Variants in UBR4 observed in about 807,000 individuals in gnomAD.
The protein encoded by UBR4 is ubiquitin protein ligase E3 component n-recognin 4.
A neutral mutation model predicts 575.6 loss-of-function variants in UBR4; 124 were observed. The ratio of observed to expected loss-of-function variants is 0.22; its 90% CI spans 0.19 to 0.25. The LOEUF is 0.25. Ranked by LOEUF, UBR4 falls within the 10% of genes least tolerant of loss-of-function variation. UBR4 has a pLI of 1.00. For synonymous variants in UBR4, 2,455 were observed against 2,473.7 expected, an observed-to-expected ratio of 0.99 and a Z score of 0.22; for missense variants, 4,818 against 6,478.8, an observed-to-expected ratio of 0.74 and a Z score of 8.80.
At chr1:19,113,049 G>C in intron 77 of UBR4, 182 bp from the exon 78 acceptor site, 1 of 659,828 alleles carries the variant, frequency 1.5e-6, no homozygotes, top group East Asian at 3.1e-5. Flanking sequence ...GAAGCTTGGA[G>C]AAAGTGGCTT....
rs1017202272 is a variant in UBR4, at chr1:19,189,991, A to G, written c.1394+2197T>C. 2.0e-5 allele frequency among the ~76,000 whole-genome samples: 3 copies of G among 152,172 alleles called. No individual in the cohort carries two copies. The South Asian group carries it at 6.2e-4, about 32-fold the overall frequency. ...ATGCCCCTGTTCTAATACTCTCTAG[A>G]TACAATTTGACATGGCCAGGCAGAT... On this transcript the variant is annotated intron_variant, in intron 11 of 105. Transcript: ENST00000375254.
intron 38 of UBR4, 27 bp from the exon 39 acceptor site, chr1:19,160,308 G>GT: frequency 4.4e-6 from 6 of 1,363,176 alleles, no homozygotes; most frequent in Non-Finnish European, 5.9e-6. Context: ...AAATACACCA[G>GT]TGAAAAAAAA....
chr1:19,112,313 C>T lies in UBR4; in HGVS notation c.11801+211G>A, dbSNP rs1173064322. 10 of 560,652 alleles carry T rather than the reference C, an allele frequency of 1.8e-5. 1 individual carries two copies. The South Asian group carries it at 2.7e-4, about 15-fold the overall frequency. The allele number at this position is 560,652 out of a possible 1,614,324, so 34.7% of individuals were successfully genotyped here. ...GTACTGGAACCAAAAAAGCACAAGC[C>T]AATCATGCCATTTACAAGGAAACCT... On this transcript the variant is annotated intron_variant, in intron 78 of 105. Coordinates refer to ENST00000375254, the MANE Select transcript of UBR4 (RefSeq NM_020765.3).
At chr1:19,109,243 C>T (rs907399770) in intron 81 of UBR4, among the ~76,000 whole-genome samples, 2 of 152,162 alleles carry the variant, frequency 1.3e-5, no homozygotes, top group Non-Finnish European at 2.9e-5. Flanking sequence ...TAGGCATGGC[C>T]CAAAGAAAGA....
rs773986946 is a variant in UBR4 at position 19,081,416 on chromosome 1, C to A, written c.15166G>T (p.Val5056Leu). The change falls in exon 103 of 106, where the codon GTG becomes TTG. Residue 5056 changes from valine to leucine, a missense_variant. This residue lies in a region of UBR4 where 212 missense variants were observed against 221.3 expected (regional missense o/e 0.96). Coordinates refer to ENST00000375254, the MANE Select transcript of UBR4 (RefSeq NM_020765.3). Reference protein sequence around the residue: ...LPPEQWRATRVEILRRLLVTS... With the variant: ...LPPEQWRATRLEILRRLLVTS... ...ACCAACAGCCTCCGCAAGATTTCCA[C>A]ACGTGTGGCTCTCCACTGCTCAGGG... 20 of 1,613,850 alleles carry A rather than the reference C, an allele frequency of 1.2e-5. No homozygotes were observed. Among genetic ancestry groups the A allele is most frequent in the Non-Finnish European group, 1.7e-5 (20 of 1,179,936 alleles).
intron 84 of UBR4, 111 bp from the exon 85 acceptor site, chr1:19,105,300 CTGCT>C (rs747196780): frequency 2.3e-6 from 3 of 1,319,124 alleles, no homozygotes; most frequent in Non-Finnish European, 3.1e-6. Context: ...TCTGTCTCTC[CTGCT>C]TCCTAGAGGG....
In UBR4 at chr1:19,152,609, C is replaced by A; in HGVS notation, c.6833-133G>T. 1.7e-6 allele frequency: 2 copies of A among 1,193,474 alleles called. No individual in the cohort carries two copies. The highest frequency in any genetic ancestry group is 2.3e-5 in the Admixed American group (1 of 43,886). 73.9% of individuals were successfully genotyped at this position (1,193,474 alleles called of 1,614,324 possible). On this transcript the variant is annotated intron_variant, in intron 46 of 105. Coordinates refer to ENST00000375254, the MANE Select transcript of UBR4 (RefSeq NM_020765.3). The surrounding 1 kb of genome is among the most constrained non-coding windows in gnomAD (Gnocchi z 4.4). ...AAACTCTGGATTATAACATTTGCATCGGCATGATGCCTACATGTGGTTAGC... is the reference window on the plus strand; with the variant it reads ...AAACTCTGGATTATAACATTTGCATAGGCATGATGCCTACATGTGGTTAGC...
At chr1:19,132,605 T>TAAAAA in intron 60 of UBR4, among the ~76,000 whole-genome samples, 783 of 24,032 alleles carry the variant, frequency 0.033, 82 homozygotes, top group African/African-American at 0.13. Context: ...TAAAAAATGG[T>TAAAAA]AAAAAAAAAA....
Position 19,100,458 on chromosome 1 carries a change from C to T in UBR4, c.13139G>A (p.Gly4380Glu). ...GTTCTTTATATCCCTCATCAGCGGC[C>T]CGATGCCTGGCTCATTGCTGCTATA... is the stretch of plus-strand genomic sequence containing the variant. ...NPYSSNEPGI[G>E]PLMRDIKNKI... is the part of the protein sequence containing the mutation. The change falls in exon 89 of 106, where the codon GGG (glycine) becomes GAG (glutamate). Residue 4380 changes from glycine (G) to glutamate (E), a missense_variant. This residue lies in a region of UBR4 where 105 missense variants were observed against 232.8 expected (regional missense o/e 0.45). Transcript: ENST00000375254. The surrounding 1 kb of genome is among the most constrained non-coding windows in gnomAD (Gnocchi z 4.2). 6.2e-7 allele frequency: 1 copy of T among 1,614,092 alleles called. No individual in the cohort carries two copies.
At chr1:19,127,247 C>T (rs1425183261) in intron 63 of UBR4, among the ~76,000 whole-genome samples, 1 of 152,234 alleles carries the variant, frequency 6.6e-6, no homozygotes, top group East Asian at 1.9e-4. Context: ...ACCTTCTCTG[C>T]TTTATGCTAA....
In UBR4 at chr1:19,146,863, G is replaced by A; in HGVS notation, c.7767C>T (p.Val2589=). The change falls in exon 52 of 106, where the codon GTC becomes GTT. Residue 2589 remains valine, a synonymous_variant. Transcript: ENST00000375254. ...GGGGCAGCTTTGACTCCGTAAAGTG[G>A]ACAAGGTTGTTGGGGCGCATGATGG... The part of the protein sequence containing the change: ...SIAIMRPNNL[V]HFTESKLPQM... 6.2e-7 allele frequency: 1 copy of A among 1,614,090 alleles called. No homozygotes were observed. Among genetic ancestry groups the A allele is most frequent in the African/African-American group, 1.3e-5 (1 of 75,060 alleles).
chr1:19,096,765 CTCCA>C, intron 91 of UBR4, 115 bp from the exon 92 acceptor site: 1 of 1,447,014 alleles, frequency 6.9e-7, no homozygotes. Context: ...TTTTCCGTAT[CTCCA>C]ATAAAGACAC....
chr1:19,195,948 T>C (rs1370750718), intron 8 of UBR4, among the ~76,000 whole-genome samples: 1 of 143,952 alleles, frequency 6.9e-6, no homozygotes, highest in Non-Finnish European at 1.5e-5. Flanking sequence ...CGAACAGCCA[T>C]AAAACCTACA....
intron 63 of UBR4, 126 bp downstream of exon 63, chr1:19,127,497 A>C: frequency 2.7e-6 from 2 of 738,192 alleles, no homozygotes; most frequent in Non-Finnish European, 4.7e-6. Flanking sequence ...ACAGCTTAGA[A>C]TCTTACTCCC....
chr1:19,129,597 T>C (rs1379548497), intron 60 of UBR4, among the ~76,000 whole-genome samples: 1 of 152,230 alleles, frequency 6.6e-6, no homozygotes. Context: ...GTCCACCATC[T>C]TCCTAATATA....
At chr1:19,158,071 T>C in intron 39 of UBR4, 74 bp from the exon 40 acceptor site, 1 of 1,493,380 alleles carries the variant, frequency 6.7e-7, no homozygotes, top group Non-Finnish European at 9.2e-7. Flanking sequence ...GCACTATTCA[T>C]GTGCCTGAGA....
chr1:19,081,332 C>A lies in UBR4; in HGVS notation c.15233+17G>T. 6.4e-7 allele frequency: 1 copy of A among 1,555,388 alleles called. No individual in the cohort carries two copies. The highest frequency in any genetic ancestry group is 1.2e-5 in the South Asian group (1 of 83,714). The stretch of plus-strand genomic sequence containing the variant: ...ATGGGAAATAGTGAGCAGCAGCTTC[C>A]GGAAGCAGGTACTGACCTGGTGGCT... On this transcript the variant is annotated intron_variant, in intron 103 of 105. Coordinates refer to ENST00000375254, the MANE Select transcript of UBR4 (RefSeq NM_020765.3).
rs141088065 is a variant in UBR4 at position 19,167,159 on chromosome 1, C to T, written c.3972G>A (p.Glu1324=). 1 of 1,614,216 alleles carries T rather than the reference C, an allele frequency of 6.2e-7. No individual in the cohort carries two copies. The highest frequency in any genetic ancestry group is 1.1e-5 in the South Asian group (1 of 91,088). Residue 1324 remains glutamate, a synonymous_variant, in exon 29 of 106, where the codon GAG becomes GAA. Coordinates refer to ENST00000375254, the MANE Select transcript of UBR4 (RefSeq NM_020765.3). ...AGTTGCTACTGATCTCGGCAACACT[C>T]TCAGTGCTTGATTCCAAAAGAAGAG... The part of the protein sequence containing the change: ...LLPLLLESST[E]SVAEISSNSL...
Position 19,105,745 on chromosome 1 carries a change from T to C in UBR4, c.12491A>G (p.Asp4164Gly). The change falls in exon 84 of 106, where the codon GAC becomes GGC. Residue 4164 changes from aspartate to glycine, a missense_variant. Transcript: ENST00000375254. ...TIPSRKQQVL[D>G]LLTSYLDELS... ...TCCCAAATGGTACCTGGTAAGCAGG[T>C]CCAGGACCTGCTGCTTGCGGCTGGG... is the stretch of plus-strand genomic sequence containing the variant. 6.2e-7 allele frequency: 1 copy of C among 1,605,946 alleles called. No individual in the cohort carries two copies. Among genetic ancestry groups the C allele is most frequent in the Non-Finnish European group, 8.5e-7 (1 of 1,176,736 alleles).
Sources: allele counts gnomAD v4.1 joint callset (sites outside exome capture counted in the v4.1 genomes callset), GRCh38; gene constraint gnomAD v4.1.1; regional missense constraint gnomAD v4.1.1; non-coding constraint Gnocchi (gnomAD v3.1); transcripts MANE v1.5; gene names NCBI Gene and HGNC (gene_info 2026-07-23, HGNC 2026-07-21).